MMS19: variants seen among roughly 807,000 people sequenced by gnomAD.
The protein encoded by MMS19 is MMS19 cytosolic iron-sulfur assembly component.
In MMS19, 77 loss-of-function variants were observed where a neutral mutation model predicts 129.8. The observed-to-expected ratio is 0.59, with a 90% CI of 0.49 to 0.72. The LOEUF is 0.72. Ranked by LOEUF, MMS19 falls within the 30% of genes least tolerant of loss-of-function variation. The probability of loss-of-function intolerance (pLI) is 0.00; values close to 1 mark genes in which losing one functional copy is unlikely to be tolerated. For synonymous variants in MMS19, 491 were observed against 502.8 expected, an observed-to-expected ratio of 0.98 and a Z score of 0.31; for missense variants, 1,168 against 1,266.3, an observed-to-expected ratio of 0.92 and a Z score of 1.18.
At chr10:97,458,922 T>G (rs887649472) in intron 29 of MMS19, 22 bp from the exon 30 acceptor site, 4 of 1,610,466 alleles carry the variant, frequency 2.5e-6, no homozygotes, top group Non-Finnish European at 3.4e-6. Context: ...GAGGATATAA[T>G]CAACCTTGCT....
At chr10:97,488,365 T>C (rs1005155684) in intron 1 of MMS19, among the ~76,000 whole-genome samples, 8 of 152,186 alleles carry the variant, frequency 5.3e-5, no homozygotes, top group South Asian at 2.1e-4. Context: ...CAACCCTATA[T>C]TGAGGGCAAT....
rs561164199 is a variant in MMS19, at chr10:97,469,024, A to C, written c.1005T>G (p.Ser335=). Reference sequence around the variant, plus strand: ...GGTCCTCAGCATCAGCCCTCAGCACAGAGCGAGACAAACACGCAGTCAGGG... The same window carrying C: ...GGTCCTCAGCATCAGCCCTCAGCACCGAGCGAGACAAACACGCAGTCAGGG... ...LHSLTACLSR[S]VLRADAEDLL... The change falls in exon 12 of 31, where the codon TCT becomes TCG. Residue 335 remains serine (S), a synonymous_variant. Coordinates refer to ENST00000438925, the MANE Select transcript of MMS19 (RefSeq NM_022362.5). 1.2e-4 allele frequency: 185 copies of C among 1,586,914 alleles called. No individual in the cohort carries two copies. Among genetic ancestry groups the C allele is most frequent in the Non-Finnish European group, 1.5e-4 (176 of 1,166,662 alleles).
At chr10:97,475,260 T>C (rs2035527637) in intron 8 of MMS19, among the ~76,000 whole-genome samples, 1 of 152,048 alleles carries the variant, frequency 6.6e-6, no homozygotes, top group Non-Finnish European at 1.5e-5. Context: ...ACATTGATTT[T>C]AGGGGGGTGG....
rs142884935 is a variant in MMS19, at chr10:97,460,230, G to C, written c.2472C>G (p.Leu824=). ...HPLSSCLTAR[L]MGLLSDPELG... ...ATTCTGGGTCACTCAGGAGGCCCATGAGCTGGAGAAAAAAGAGCCTTTGAG... is the reference window on the plus strand; with the variant it reads ...ATTCTGGGTCACTCAGGAGGCCCATCAGCTGGAGAAAAAAGAGCCTTTGAG... Residue 824 remains leucine (L), a splice_region_variant and synonymous_variant, in exon 26 of 31, where the codon CTC becomes CTG. Coordinates refer to ENST00000438925, the MANE Select transcript of MMS19 (RefSeq NM_022362.5). The C allele has an allele frequency of 1.5e-3, 2,408 of 1,608,906 alleles. 7 individuals are homozygous for C. The highest frequency in any genetic ancestry group is 9.0e-3 in the Middle Eastern group (54 of 6,016).
intron 1 of MMS19, among the ~76,000 whole-genome samples, chr10:97,495,389 G>A (rs909495334): frequency 3.9e-5 from 6 of 152,214 alleles, no homozygotes; most frequent in Non-Finnish European, 7.3e-5. Context: ...GGCAGCAGCT[G>A]CTTTTGTGAT....
chr10:97,464,110 G>T, intron 18 of MMS19, 97 bp from the exon 19 acceptor site: 1 of 1,159,204 alleles, frequency 8.6e-7, no homozygotes, highest in Non-Finnish European at 1.2e-6. Context: ...AAGAGTGACT[G>T]AAGGGACCAA....
chr10:97,478,705 AG>A (rs1233933036), intron 3 of MMS19, among the ~76,000 whole-genome samples: 1 of 152,236 alleles, frequency 6.6e-6, no homozygotes, highest in Non-Finnish European at 1.5e-5. Context: ...ATAGGCTTAC[AG>A]GGTATGGTCT....
chr10:97,493,914 C>T (rs1467958232), intron 1 of MMS19, among the ~76,000 whole-genome samples: 1 of 152,108 alleles, frequency 6.6e-6, no homozygotes, highest in Non-Finnish European at 1.5e-5. Context: ...ACTCGGGAGG[C>T]TGAGGCAGGA....
Position 97,460,965 on chromosome 10 carries a change from A to G in MMS19, c.2354T>C (p.Val785Ala). ...DEFLQLAVDKVEAGLGSGPCR... is the reference protein window; with the variant it reads ...DEFLQLAVDKAEAGLGSGPCR... ...GGGCCCAGAGCCCAGGCCAGCCTCC[A>G]CTTTGTCCACAGCTAGCTGTAGGAA... Residue 785 changes from valine to alanine, a missense_variant, in exon 24 of 31, where the codon GTG (valine) becomes GCG (alanine). Val to Ala is a moderately conservative substitution (Grantham distance 64). Transcript: ENST00000438925. The G allele has an allele frequency of 6.4e-7, 1 of 1,574,726 alleles. No individual in the cohort carries two copies. The highest frequency in any genetic ancestry group is 8.6e-7 in the Non-Finnish European group (1 of 1,159,458).
chr10:97,492,565 G>A (rs975718902), intron 1 of MMS19, among the ~76,000 whole-genome samples: 4 of 151,612 alleles, frequency 2.6e-5, no homozygotes, highest in African/African-American at 9.7e-5. Flanking sequence ...AAGGAAGATG[G>A]TGGCCAGGCA....
intron 8 of MMS19, among the ~76,000 whole-genome samples, chr10:97,473,328 G>A (rs147694319): frequency 1.3e-5 from 2 of 152,200 alleles, no homozygotes; most frequent in Non-Finnish European, 2.9e-5. Flanking sequence ...GAGCCACTGC[G>A]CCCGGCCTAG....
Position 97,498,331 on chromosome 10 carries a change from G to T in MMS19, c.54C>A (p.Gly18=). Residue 18 remains glycine, a synonymous_variant, in exon 1 of 31, where the codon GGC becomes GGA. Transcript: ENST00000438925. ...GACCCACGACGAAGTCGTGCACGAGGCCCCATAGGGCACCCATAGGCGCCG... is the reference window on the plus strand; with the variant it reads ...GACCCACGACGAAGTCGTGCACGAGTCCCCATAGGGCACCCATAGGCGCCG... ...EAAAPMGALW[G]LVHDFVVGQQ... is the part of the protein sequence containing the mutation. 1 of 1,574,124 alleles carries T rather than the reference G, an allele frequency of 6.4e-7. No individual in the cohort carries two copies.
At chr10:97,479,229 A>G (rs2036309202) in intron 3 of MMS19, among the ~76,000 whole-genome samples, 1 of 152,084 alleles carries the variant, frequency 6.6e-6, no homozygotes, top group South Asian at 2.1e-4. Context: ...CATGAGGACC[A>G]AGAACCCTGG....
intron 1 of MMS19, among the ~76,000 whole-genome samples, chr10:97,492,147 A>G (rs1371834147): frequency 6.6e-6 from 1 of 151,326 alleles, no homozygotes; most frequent in African/African-American, 2.4e-5. Flanking sequence ...AAAAAAAAAA[A>G]AAAAAAAAAG....
Position 97,460,175 on chromosome 10 carries a change from G to C in MMS19, c.2527C>G (p.Leu843Val). Residue 843 changes from leucine (L) to valine (V), a missense_variant, in exon 26 of 31, where the codon CTG becomes GTG. By Grantham distance (32) the Leu-to-Val change is conservative. Coordinates refer to ENST00000438925, the MANE Select transcript of MMS19 (RefSeq NM_022362.5). The stretch of plus-strand genomic sequence containing the variant: ...ACATCAGTGCAGTCAGACATGAGCA[G>C]AGAGAAGCCATCAGCTGCTGCTGGA... ...LGPAAADGFS[L>V]LMSDCTDVLT... is the part of the protein sequence containing the mutation. 3.7e-6 allele frequency: 6 copies of C among 1,613,988 alleles called. No individual in the cohort carries two copies. The highest frequency in any genetic ancestry group is 1.1e-5 in the South Asian group (1 of 91,086).
intron 3 of MMS19, among the ~76,000 whole-genome samples, chr10:97,480,057 C>T (rs2036472657): frequency 6.6e-6 from 1 of 152,220 alleles, no homozygotes; most frequent in Non-Finnish European, 1.5e-5. Flanking sequence ...TTCCTGGCAA[C>T]ATGGCTGCCC....
At chr10:97,483,164 C>T (rs2037186043) in intron 2 of MMS19, among the ~76,000 whole-genome samples, 1 of 152,034 alleles carries the variant, frequency 6.6e-6, no homozygotes, top group Non-Finnish European at 1.5e-5. Context: ...GTGATCCTCC[C>T]ACCTCAGCCT....
chr10:97,490,139 T>A (rs541808469), intron 1 of MMS19, among the ~76,000 whole-genome samples: 2 of 152,228 alleles, frequency 1.3e-5, no homozygotes, highest in South Asian at 4.1e-4. Flanking sequence ...TGTGCAGTAG[T>A]ACAATCATGG....
Position 97,480,943 on chromosome 10 carries a change from T to C in MMS19, c.261A>G (p.Glu87=), listed in dbSNP as rs1446884241. The C allele has an allele frequency of 1.3e-6, 2 of 1,598,690 alleles. No individual in the cohort carries two copies. Among genetic ancestry groups the C allele is most frequent in the African/African-American group, 1.3e-5 (1 of 74,680 alleles). Residue 87 remains glutamate, a splice_region_variant and synonymous_variant, in exon 3 of 31, where the codon GAA becomes GAG. Transcript: ENST00000438925. ...CATTCCTATTAGTGACACCAGTACC[T>C]TCCTTCTCCAGGAGCAAGGTGTGAC... is the stretch of plus-strand genomic sequence containing the variant. ...LHCHTLLLEK[E]VVHLILFYEN...
Sources: allele counts gnomAD v4.1 joint callset (sites outside exome capture counted in the v4.1 genomes callset), GRCh38; gene constraint gnomAD v4.1.1; transcripts MANE v1.5; gene names NCBI Gene and HGNC (gene_info 2026-07-23, HGNC 2026-07-21).